Variants in SERPINB2 observed in about 807,000 individuals in gnomAD.
SERPINB2 encodes the protein plasminogen activator inhibitor 2.
Under a neutral mutation model 39.4 loss-of-function variants are expected in SERPINB2, and 28 were observed. That is an observed-to-expected ratio of 0.71 (90% CI 0.53 to 0.97). SERPINB2 has a LOEUF of 0.97. Ranked by LOEUF, SERPINB2 falls within the 50% of genes least tolerant of loss-of-function variation. The pLI is 0.00. For synonymous variants in SERPINB2, 209 were observed against 175.1 expected (o/e 1.19, Z -1.53); for missense variants, 557 against 505.3 (o/e 1.10, Z -0.98).
chr18:63,900,577 C>T (rs552529181), intron 5 of SERPINB2, among the ~76,000 whole-genome samples: 2 of 152,274 alleles, frequency 1.3e-5, no homozygotes, highest in South Asian at 2.1e-4. Flanking sequence ...CTTTTAATTA[C>T]ATGTAGATTA....
chr18:63,894,606 G>A (rs2049947211), intron 2 of SERPINB2, among the ~76,000 whole-genome samples: 1 of 152,186 alleles, frequency 6.6e-6, no homozygotes. Flanking sequence ...GTTGTGGGAA[G>A]GGGATCTGAG....
intron 5 of SERPINB2, among the ~76,000 whole-genome samples, chr18:63,899,518 G>C (rs1015317863): frequency 6.6e-6 from 1 of 152,170 alleles, no homozygotes; most frequent in East Asian, 1.9e-4. Flanking sequence ...TATGAATTCA[G>C]AATTGTGTAA....
intron 1 of SERPINB2, 26 bp downstream of exon 1, chr18:63,887,796 T>C (rs2049902478): frequency 6.6e-6 from 1 of 152,238 alleles, no homozygotes; most frequent in African/African-American, 2.4e-5. Flanking sequence ...CCATGCCATG[T>C]CTATGGGAAA....
intron 3 of SERPINB2, 21 bp downstream of exon 3, chr18:63,895,404 A>G (rs762743511): frequency 1.2e-6 from 2 of 1,613,750 alleles, no homozygotes; most frequent in Non-Finnish European, 1.7e-6. Flanking sequence ...TACTGGTCCA[A>G]ATTTCTTTTG....
chr18:63,894,052 C>G (rs892574292), intron 2 of SERPINB2, among the ~76,000 whole-genome samples: 1 of 152,140 alleles, frequency 6.6e-6, no homozygotes, highest in Non-Finnish European at 1.5e-5. Flanking sequence ...ACAGACCCAT[C>G]CAGGCCAAAC....
intron 2 of SERPINB2, chr18:63,892,560 T>C (rs1285751392): frequency 6.6e-6 from 1 of 152,238 alleles, no homozygotes; most frequent in Admixed American, 6.5e-5. Context: ...CACGCATGCA[T>C]TGTGCATGCA....
chr18:63,893,434 C>CTTTT (rs34100904), intron 2 of SERPINB2, among the ~76,000 whole-genome samples: 3,640 of 147,988 alleles, frequency 0.025, 124 homozygotes, highest in African/African-American at 0.073. Flanking sequence ...TCTATATAGT[C>CTTTT]TTTTTTTTTT....
At position 63,903,487 on chromosome 18, in the gene SERPINB2, A is replaced by G. The variant is rs2050008141; in HGVS notation, c.*182A>G. On this transcript the variant is annotated 3_prime_UTR_variant, in exon 8 of 8. Coordinates refer to ENST00000299502, the MANE Select transcript of SERPINB2 (RefSeq NM_002575.3). ...AGACAATTGTCTATTATAACATGACAACCCTATTAATCATTTGGTCTTCTA... is the reference window on the plus strand; with the variant it reads ...AGACAATTGTCTATTATAACATGACGACCCTATTAATCATTTGGTCTTCTA... The G allele has an allele frequency of 2.1e-6, 1 of 471,518 alleles. No individual in the cohort carries two copies. Among genetic ancestry groups the G allele is most frequent in the African/African-American group, 2.0e-5 (1 of 49,430 alleles). 29.2% of individuals were successfully genotyped at this position (471,518 alleles called of 1,614,324 possible). A position where few individuals can be genotyped will look rare whatever the true frequency, so the allele number is the denominator to read the frequency against.
rs2049997215 is a variant in SERPINB2, at chr18:63,902,370, T to C, written c.679-34T>C. 2.0e-6 allele frequency: 3 copies of C among 1,512,674 alleles called. No homozygotes were observed. In the East Asian group the frequency reaches 7.0e-5, roughly 35 times the overall value. 93.7% of individuals were successfully genotyped at this position (1,512,674 alleles called of 1,614,324 possible). A position where few individuals can be genotyped will look rare whatever the true frequency, so the allele number is the denominator to read the frequency against. On this transcript the variant is annotated intron_variant, in intron 6 of 7. Transcript: ENST00000299502. ...TTGTAAATCTCTTGATATCTTATAATCGACTTCCATATTTTACCTTTTAAT... is the reference window on the plus strand; with the variant it reads ...TTGTAAATCTCTTGATATCTTATAACCGACTTCCATATTTTACCTTTTAAT...
intron 7 of SERPINB2, 128 bp downstream of exon 7, chr18:63,902,696 T>C: frequency 9.3e-7 from 1 of 1,080,746 alleles, no homozygotes; most frequent in Non-Finnish European, 1.3e-6. Context: ...ATAGTAAATA[T>C]GGCATGCCTC....
chr18:63,900,659 A>G (rs1244862051), intron 5 of SERPINB2, among the ~76,000 whole-genome samples: 1 of 152,168 alleles, frequency 6.6e-6, no homozygotes, highest in Non-Finnish European at 1.5e-5. Context: ...TGCCACAGAA[A>G]GAGGTGGTAA....
At chr18:63,894,924 A>T (rs896931796) in intron 2 of SERPINB2, among the ~76,000 whole-genome samples, 7 of 152,144 alleles carry the variant, frequency 4.6e-5, no homozygotes, top group Non-Finnish European at 7.3e-5. Flanking sequence ...CTTTCTTTAA[A>T]ATACTGGCAT....
chr18:63,888,343 G>T (rs192917268), intron 1 of SERPINB2, among the ~76,000 whole-genome samples: 169 of 152,284 alleles, frequency 1.1e-3, no homozygotes, highest in African/African-American at 3.8e-3. Flanking sequence ...CAAAGTAGTT[G>T]CAGGGTTGAC....
At chr18:63,896,199 C>G (rs1250970951) in intron 3 of SERPINB2, among the ~76,000 whole-genome samples, 3 of 152,138 alleles carry the variant, frequency 2.0e-5, no homozygotes, top group African/African-American at 7.2e-5. Flanking sequence ...GGACAGGATC[C>G]TGATCATGTG....
In SERPINB2 at chr18:63,891,534, C is replaced by T; in HGVS notation, c.90C>T (p.Leu30=). Reference sequence around the variant, plus strand: ...CAAGCCCCACCCAGAACCTCTTCCTCTCCCCATGGAGCATCTCGTCCACCA... The same window carrying T: ...CAAGCCCCACCCAGAACCTCTTCCTTTCCCCATGGAGCATCTCGTCCACCA... ...AKASPTQNLF[L]SPWSISSTMA... is the part of the protein sequence containing the mutation. The change falls in exon 2 of 8, where the codon CTC becomes CTT. Residue 30 remains leucine, a synonymous_variant. Transcript: ENST00000299502. 1 of 1,614,200 alleles carries T rather than the reference C, an allele frequency of 6.2e-7. No individual in the cohort carries two copies. Among genetic ancestry groups the T allele is most frequent in the Non-Finnish European group, 8.5e-7 (1 of 1,180,008 alleles).
chr18:63,892,479 A>C (rs1315589919), intron 2 of SERPINB2: 2 of 152,258 alleles, frequency 1.3e-5, no homozygotes, highest in African/African-American at 2.4e-5. Context: ...AGTGACCTCG[A>C]TGTGGCCATG....
intron 5 of SERPINB2, among the ~76,000 whole-genome samples, chr18:63,901,110 C>T (rs1029615672): frequency 6.6e-6 from 1 of 152,044 alleles, no homozygotes; most frequent in Non-Finnish European, 1.5e-5. Context: ...TCTTCTCGGG[C>T]TTACTCCTTC....
At chr18:63,894,526 G>A (rs2049946564) in intron 2 of SERPINB2, among the ~76,000 whole-genome samples, 1 of 152,136 alleles carries the variant, frequency 6.6e-6, no homozygotes. Context: ...GTGGGATGGG[G>A]TGGGTGGCTG....
intron 5 of SERPINB2, among the ~76,000 whole-genome samples, chr18:63,901,089 G>T (rs2049988332): frequency 6.6e-6 from 1 of 151,986 alleles, no homozygotes; most frequent in Non-Finnish European, 1.5e-5. Context: ...ATTTGTCATT[G>T]TTTCTGTCAA....
Sources: allele counts gnomAD v4.1 joint callset (sites outside exome capture counted in the v4.1 genomes callset), GRCh38; gene constraint gnomAD v4.1.1; transcripts MANE v1.5; gene names NCBI Gene and HGNC (gene_info 2026-07-23, HGNC 2026-07-21).